FAM83B: variants seen among roughly 807,000 people sequenced by gnomAD.
FAM83B encodes the protein protein FAM83B.
In FAM83B, 26 loss-of-function variants were observed where a neutral mutation model predicts 38.8. The ratio of observed to expected loss-of-function variants is 0.67; its 90% CI spans 0.49 to 0.93. The LOEUF is 0.93. Among genes scored for constraint, FAM83B ranks in the 40% least tolerant of loss-of-function variants. The pLI is 0.00. For missense variants in FAM83B, 1,237 were observed against 1,197.3 expected, an observed-to-expected ratio of 1.03 and a Z score of -0.49; for synonymous variants, 419 against 423.1, an observed-to-expected ratio of 0.99 and a Z score of 0.12.
chr6:54,850,184 A>G (rs1378162965), intron 1 of FAM83B, among the ~76,000 whole-genome samples: 1 of 152,206 alleles, frequency 6.6e-6, no homozygotes, highest in East Asian at 1.9e-4. Context: ...TGAAGGTCAC[A>G]GCAGACGTTG....
chr6:54,931,129 A>G (rs759322832), intron 4 of FAM83B, among the ~76,000 whole-genome samples: 1 of 151,922 alleles, frequency 6.6e-6, no homozygotes, highest in African/African-American at 2.4e-5. Context: ...TGTACCATTG[A>G]TTTCTAGTTG....
chr6:54,889,268 T>C (rs1307478071), intron 2 of FAM83B, among the ~76,000 whole-genome samples: 1 of 152,136 alleles, frequency 6.6e-6, no homozygotes, highest in East Asian at 1.9e-4. Flanking sequence ...ATTTTAAGCA[T>C]TTCCAATATT....
intron 2 of FAM83B, among the ~76,000 whole-genome samples, chr6:54,904,026 T>C (rs1296704720): frequency 6.6e-6 from 1 of 151,704 alleles, no homozygotes; most frequent in Admixed American, 6.6e-5. Context: ...GCATCCTAGA[T>C]TGTTGTTGTG....
intron 2 of FAM83B, among the ~76,000 whole-genome samples, chr6:54,921,618 T>A (rs1352824126): frequency 6.6e-6 from 1 of 152,010 alleles, no homozygotes; most frequent in Non-Finnish European, 1.5e-5. Flanking sequence ...AAGAAGCAAG[T>A]ACATAATTTA....
intron 4 of FAM83B, among the ~76,000 whole-genome samples, chr6:54,929,906 CTT>C (rs2127589443): frequency 6.6e-6 from 1 of 152,076 alleles, no homozygotes; most frequent in African/African-American, 2.4e-5. Flanking sequence ...AAAACAGTGA[CTT>C]TTGTTTTCCA....
chr6:54,888,566 G>A (rs949735427), intron 2 of FAM83B, among the ~76,000 whole-genome samples: 6 of 151,886 alleles, frequency 4.0e-5, no homozygotes, highest in Non-Finnish European at 8.8e-5. Flanking sequence ...CAGTGACTTT[G>A]AGTTATTTTA....
chr6:54,909,238 C>T (rs1434456229), intron 2 of FAM83B, among the ~76,000 whole-genome samples: 2 of 152,096 alleles, frequency 1.3e-5, no homozygotes, highest in Admixed American at 1.3e-4. Context: ...AGTCTTCTAG[C>T]TGTTTTATAC....
At chr6:54,873,587 T>C (rs1482033057) in intron 2 of FAM83B, among the ~76,000 whole-genome samples, 2 of 152,080 alleles carry the variant, frequency 1.3e-5, no homozygotes, top group East Asian at 3.9e-4. Context: ...TTTCAGAGGG[T>C]AATTTATCTT....
intron 2 of FAM83B, among the ~76,000 whole-genome samples, chr6:54,889,286 A>T (rs757720197): frequency 1.1e-4 from 17 of 152,014 alleles, no homozygotes; most frequent in Non-Finnish European, 1.8e-4. Context: ...ATTTTAATGG[A>T]TGGAAACCAT....
At chr6:54,895,125 G>T (rs1772500363) in intron 2 of FAM83B, among the ~76,000 whole-genome samples, 1 of 152,200 alleles carries the variant, frequency 6.6e-6, no homozygotes, top group Non-Finnish European at 1.5e-5. Flanking sequence ...ATTACCAGTG[G>T]TGTTAAAAGT....
At chr6:54,883,464 A>C (rs547690092) in intron 2 of FAM83B, among the ~76,000 whole-genome samples, 1 of 150,120 alleles carries the variant, frequency 6.7e-6, no homozygotes, top group East Asian at 2.0e-4. Flanking sequence ...CCTCCCGAGT[A>C]GCTGGGATTA....
intron 2 of FAM83B, among the ~76,000 whole-genome samples, chr6:54,915,572 CGAG>C (rs1773015960): frequency 1.1e-5 from 1 of 90,594 alleles, no homozygotes; most frequent in African/African-American, 7.5e-5. Flanking sequence ...TTTGGGAGGC[CGAG>C]GCGGGTGGAT....
chr6:54,913,383 T>C (rs1772959178), intron 2 of FAM83B, among the ~76,000 whole-genome samples: 1 of 152,142 alleles, frequency 6.6e-6, no homozygotes, highest in South Asian at 2.1e-4. Context: ...AACAACTTGG[T>C]ATTCATAATC....
At chr6:54,855,800 G>A (rs1465305304) in intron 1 of FAM83B, among the ~76,000 whole-genome samples, 1 of 152,116 alleles carries the variant, frequency 6.6e-6, no homozygotes, top group African/African-American at 2.4e-5. Context: ...GTATGTGTGT[G>A]GATGTATCAC....
intron 2 of FAM83B, among the ~76,000 whole-genome samples, chr6:54,898,787 T>A (rs1772593048): frequency 6.6e-6 from 1 of 152,214 alleles, no homozygotes; most frequent in Admixed American, 6.5e-5. Context: ...GGTTCTATTT[T>A]CTCTATTCGC....
intron 4 of FAM83B, among the ~76,000 whole-genome samples, chr6:54,932,186 A>G (rs1383822699): frequency 1.3e-5 from 2 of 151,738 alleles, no homozygotes; most frequent in Admixed American, 6.6e-5. Context: ...AATATTTTGT[A>G]TTTTTAGTAG....
rs1241351724 is a variant in FAM83B at position 54,940,393 on chromosome 6, C to A, written c.1422C>A (p.Ile474=). ...RRSFNGTDNH[I]RFLQQRMPTL... ...CTTTTAATGGGACAGATAACCATAT[C>A]CGCTTTTTGCAACAACGAATGCCAA... Residue 474 remains isoleucine, a synonymous_variant, in exon 5 of 5, where the codon ATC becomes ATA. Transcript: ENST00000306858. 6.2e-6 allele frequency: 10 copies of A among 1,613,898 alleles called. No individual in the cohort carries two copies. Among genetic ancestry groups the A allele is most frequent in the Non-Finnish European group, 8.5e-6 (10 of 1,180,014 alleles).
intron 2 of FAM83B, among the ~76,000 whole-genome samples, chr6:54,899,283 G>C (rs1284990801): frequency 6.6e-6 from 1 of 152,106 alleles, no homozygotes; most frequent in African/African-American, 2.4e-5. Context: ...ATCGGTACAA[G>C]GGTTTTTCTA....
chr6:54,903,494 A>C (rs1196575772), intron 2 of FAM83B, among the ~76,000 whole-genome samples: 1 of 152,206 alleles, frequency 6.6e-6, no homozygotes, highest in Non-Finnish European at 1.5e-5. Flanking sequence ...AATTTTTAAC[A>C]AAGATGACAG....
Sources: allele counts gnomAD v4.1 joint callset (sites outside exome capture counted in the v4.1 genomes callset), GRCh38; gene constraint gnomAD v4.1.1; transcripts MANE v1.5; gene names NCBI Gene and HGNC (gene_info 2026-07-23, HGNC 2026-07-21).